HACD3: variants seen among roughly 807,000 people sequenced by gnomAD.
HACD3 encodes 3-hydroxyacyl-CoA dehydratase 3.
Under a neutral mutation model 55.2 loss-of-function variants are expected in HACD3, and 30 were observed. The ratio of observed to expected loss-of-function variants is 0.54; its 90% confidence interval spans 0.41 to 0.74. The LOEUF (loss-of-function observed/expected upper bound fraction) is 0.74. Among genes scored for constraint, HACD3 ranks in the 30% least tolerant of loss-of-function variants. The pLI, the probability that HACD3 is intolerant of heterozygous loss-of-function variation, is 0.00. For missense variants in HACD3, 363 were observed against 440.1 expected, an observed-to-expected ratio of 0.82 and a Z score of 1.57; for synonymous variants, 141 against 151.7, an observed-to-expected ratio of 0.93 and a Z score of 0.52.
intron 7 of HACD3, 101 bp downstream of exon 7, chr15:65,564,443 C>T (rs1305115277): frequency 7.2e-7 from 1 of 1,398,034 alleles, no homozygotes; most frequent in Non-Finnish European, 9.7e-7. Context: ...TAAAGACATA[C>T]CTGAGACTGG....
chr15:65,567,861 A>C (rs2072307524), intron 7 of HACD3, among the ~76,000 whole-genome samples: 1 of 152,030 alleles, frequency 6.6e-6, no homozygotes, highest in Admixed American at 6.6e-5. Flanking sequence ...ATAGAGACAG[A>C]AAGTAGGATG....
intron 1 of HACD3, among the ~76,000 whole-genome samples, chr15:65,546,287 C>A (rs776585271): frequency 4.6e-5 from 7 of 152,130 alleles, no homozygotes; most frequent in Non-Finnish European, 7.3e-5. Flanking sequence ...AATTGAACAT[C>A]TTTGAGACAA....
chr15:65,574,727 TTC>T (rs2072384501), intron 10 of HACD3, among the ~76,000 whole-genome samples: 2 of 152,176 alleles, frequency 1.3e-5, no homozygotes, highest in South Asian at 2.1e-4. Context: ...CTTTCTTTTT[TTC>T]TGTTTCAGCA....
At chr15:65,534,790 T>G (rs2071939083) in intron 1 of HACD3, among the ~76,000 whole-genome samples, 1 of 152,252 alleles carries the variant, frequency 6.6e-6, no homozygotes, top group Non-Finnish European at 1.5e-5. Flanking sequence ...TGAACAGTAG[T>G]GCCTAACTCA....
intron 1 of HACD3, among the ~76,000 whole-genome samples, chr15:65,549,817 G>A (rs990452424): frequency 4.6e-5 from 7 of 152,130 alleles, no homozygotes; most frequent in Non-Finnish European, 1.0e-4. Context: ...AAAACTGTAA[G>A]TTGGCTCTCA....
chr15:65,531,445 C>G (rs79212417), intron 1 of HACD3: 7,318 of 152,228 alleles, frequency 0.048, 604 homozygotes, highest in African/African-American at 0.17. Flanking sequence ...GCTGAAGGCA[C>G]GTAGTAGTGG....
At chr15:65,575,064 T>C (rs1223191221) in intron 10 of HACD3, among the ~76,000 whole-genome samples, 1 of 152,236 alleles carries the variant, frequency 6.6e-6, no homozygotes, top group Non-Finnish European at 1.5e-5. Flanking sequence ...ACTTTGCTTA[T>C]AGTGAATATG....
At chr15:65,576,214 C>A in intron 10 of HACD3, 89 bp from the exon 11 acceptor site, 1 of 1,510,414 alleles carries the variant, frequency 6.6e-7, no homozygotes, top group Non-Finnish European at 8.8e-7. Context: ...TGGAATATGA[C>A]GACAGCTAGA....
At chr15:65,550,019 G>T (rs1295909396) in intron 1 of HACD3, among the ~76,000 whole-genome samples, 2 of 152,190 alleles carry the variant, frequency 1.3e-5, no homozygotes, top group Non-Finnish European at 2.9e-5. Context: ...AGGCACAAGT[G>T]TATTTTTAGA....
chr15:65,548,247 T>C (rs995348073), intron 1 of HACD3, among the ~76,000 whole-genome samples: 4 of 152,128 alleles, frequency 2.6e-5, no homozygotes, highest in African/African-American at 9.7e-5. Flanking sequence ...TGGTGGCTCA[T>C]GCCTGTAATC....
chr15:65,539,951 C>T (rs536403903), intron 1 of HACD3, among the ~76,000 whole-genome samples: 136 of 152,260 alleles, frequency 8.9e-4, no homozygotes, highest in African/African-American at 3.1e-3. Flanking sequence ...ACAGTGGAAA[C>T]GACCAACTCC....
intron 10 of HACD3, 53 bp from the exon 11 acceptor site, chr15:65,576,250 G>T: frequency 6.5e-7 from 1 of 1,543,632 alleles, no homozygotes; most frequent in South Asian, 1.2e-5. Flanking sequence ...AAGAGCTTCT[G>T]GTTATAAATA....
chr15:65,562,765 G>T lies in HACD3; in HGVS notation c.422-9G>T. ...TTTTAATAGCTTACTGCTTTGCTTTGCTTTACAGCTCTTACAAACTTAAGG... is the reference window on the plus strand; with the variant it reads ...TTTTAATAGCTTACTGCTTTGCTTTTCTTTACAGCTCTTACAAACTTAAGG... On this transcript the variant is annotated splice_polypyrimidine_tract_variant and intron_variant, in intron 5 of 10. Transcript: ENST00000261875. 1 of 1,612,888 alleles carries T rather than the reference G, an allele frequency of 6.2e-7. No individual in the cohort carries two copies.
intron 2 of HACD3, 63 bp downstream of exon 2, chr15:65,551,781 C>T: frequency 6.4e-7 from 1 of 1,571,384 alleles, no homozygotes; most frequent in East Asian, 2.3e-5. Flanking sequence ...TGGTGGTTTC[C>T]CTTTTTTAAA....
intron 5 of HACD3, 61 bp from the exon 6 acceptor site, chr15:65,562,713 A>G: frequency 3.2e-6 from 5 of 1,576,398 alleles, no homozygotes; most frequent in Non-Finnish European, 4.3e-6. Flanking sequence ...TATGCCTCAT[A>G]CACCTGTCTC....
chr15:65,543,270 A>G (rs760406234), intron 1 of HACD3, among the ~76,000 whole-genome samples: 3 of 152,130 alleles, frequency 2.0e-5, no homozygotes, highest in Non-Finnish European at 4.4e-5. Flanking sequence ...TTAGTGGAAT[A>G]TATTCTAAGG....
At chr15:65,563,615 G>C in intron 6 of HACD3, among the ~76,000 whole-genome samples, 1 of 152,114 alleles carries the variant, frequency 6.6e-6, no homozygotes, top group Non-Finnish European at 1.5e-5. Flanking sequence ...GCTGCAGTAA[G>C]CCGTGATCAT....
Position 65,556,823 on chromosome 15 carries a change from G to T in HACD3, c.289G>T (p.Glu97Ter). Residue 97 changes from glutamate (E) to a stop codon, truncating the protein, a stop_gained, in exon 4 of 11, where the codon GAA becomes TAA. Transcript: ENST00000261875. LOFTEE classifies it high-confidence loss of function. ...GTGGTGGGAGAGACTCACAAAGCAG[G>T]AAAAGCGACCACTGTTTTTGGCTCC... ...SQWWERLTKQ[E>*]KRPLFLAPDF... 1 of 1,612,800 alleles carries T rather than the reference G, an allele frequency of 6.2e-7. No individual in the cohort carries two copies. Among genetic ancestry groups the T allele is most frequent in the Non-Finnish European group, 8.5e-7 (1 of 1,179,362 alleles).
Position 65,541,113 on chromosome 15 carries a change from T to G in HACD3, c.87+10395T>G, listed in dbSNP as rs992678996. 5.9e-5 allele frequency among the ~76,000 whole-genome samples: 9 copies of G among 152,208 alleles called. No individual in the cohort carries two copies. The South Asian group carries it at 6.2e-4, about 11-fold the overall frequency. ...GAGTCCCCTTTTGGACATACTAGTT[T>G]GAGAGTCTTGTTATAAACAATTTCC... On this transcript the variant is annotated intron_variant, in intron 1 of 10. Transcript: ENST00000261875.
Sources: allele counts gnomAD v4.1 joint callset (sites outside exome capture counted in the v4.1 genomes callset), GRCh38; gene constraint gnomAD v4.1.1; transcripts MANE v1.5; gene names NCBI Gene and HGNC (gene_info 2026-07-23, HGNC 2026-07-21).